The following ARHGAP8 variants were observed in gnomAD, a reference collection of about 807,000 sequenced individuals.
ARHGAP8 encodes the protein rho GTPase-activating protein 8.
A neutral mutation model predicts 46.1 loss-of-function variants in ARHGAP8; 62 were observed. The observed-to-expected ratio is 1.34, with a 90% CI of 1.10 to 1.66. The LOEUF is 1.66. ARHGAP8 is among the 40% of genes most tolerant of loss of function. ARHGAP8 has a pLI of 0.00. For missense variants in ARHGAP8, 923 were observed against 568.4 expected, an observed-to-expected ratio of 1.62 and a Z score of -6.34; for synonymous variants, 375 against 243.1, an observed-to-expected ratio of 1.54 and a Z score of -5.05.
intron 1 of ARHGAP8, among the ~76,000 whole-genome samples, chr22:44,782,677 C>A (rs946669451): frequency 2.6e-5 from 4 of 152,240 alleles, no homozygotes; most frequent in Non-Finnish European, 5.9e-5. Flanking sequence ...AGAACTTCAT[C>A]CTGTTACGGC....
intron 4 of ARHGAP8, chr22:44,809,609 C>CGA: frequency 2.3e-5 from 4 of 176,264 alleles, no homozygotes; most frequent in Non-Finnish European, 3.6e-5. Context: ...CCACCCCAGG[C>CGA]CCCCGCCTCC....
chr22:44,852,947 C>T (rs1348536624), intron 10 of ARHGAP8, among the ~76,000 whole-genome samples: 2 of 152,152 alleles, frequency 1.3e-5, no homozygotes, highest in Non-Finnish European at 2.9e-5. Flanking sequence ...GGACGACAGG[C>T]CCGTGTCACC....
At chr22:44,779,170 G>T (rs901706977) in intron 1 of ARHGAP8, among the ~76,000 whole-genome samples, 1 of 149,220 alleles carries the variant, frequency 6.7e-6, no homozygotes, top group Admixed American at 6.8e-5. Context: ...CGCGATCTTG[G>T]CTCACTGCAA....
chr22:44,803,713 A>G (rs930765585), intron 3 of ARHGAP8, among the ~76,000 whole-genome samples: 1 of 30,310 alleles, frequency 3.3e-5, no homozygotes, highest in East Asian at 1.5e-3. Context: ...ACACCCCCCC[A>G]TGCATGCACC....
intron 10 of ARHGAP8, among the ~76,000 whole-genome samples, chr22:44,856,528 C>G (rs1306287496): frequency 2.0e-5 from 3 of 152,046 alleles, no homozygotes; most frequent in Admixed American, 6.6e-5. Flanking sequence ...TCCGTCTCGG[C>G]CTTCCAAAGT....
intron 5 of ARHGAP8, 146 bp downstream of exon 5, chr22:44,814,904 C>A (rs1929625398): frequency 1.1e-6 from 1 of 913,632 alleles, no homozygotes; most frequent in Non-Finnish European, 1.6e-6. Flanking sequence ...GCCCTGGGGT[C>A]TGCGGGGGGT....
chr22:44,860,544 G>A (rs375474812), intron 11 of ARHGAP8, among the ~76,000 whole-genome samples: 4 of 37,018 alleles, frequency 1.1e-4, no homozygotes, highest in South Asian at 7.2e-4. Context: ...CTCATCTTGA[G>A]ATCCTCAACG....
rs778831955 is a variant in ARHGAP8, at chr22:44,839,378, T to C, written c.597-5891T>C. Among the ~76,000 whole-genome samples, 16 of 151,164 alleles carry C rather than the reference T, an allele frequency of 1.1e-4. No individual in the cohort carries two copies. In the East Asian group the frequency reaches 2.3e-3, roughly 22 times the overall value. ...CATGAAACCAAACCACCCATCGAGA[T>C]TGGATATGCAGAAGCCTTATGGCTG... is the stretch of plus-strand genomic sequence containing the variant. On this transcript the variant is annotated intron_variant, in intron 7 of 11. Coordinates refer to ENST00000356099, the MANE Select transcript of ARHGAP8 (RefSeq NM_181335.3).
rs1555907814 is a variant in ARHGAP8 at position 44,754,373 on chromosome 22, T to TGTGTGTGTGA, written c.-72+1747_-72+1748insTGTGTGTGAG. 9.9e-3 allele frequency among the ~76,000 whole-genome samples: 1,454 copies of TGTGTGTGTGA among 147,542 alleles called. 28 individuals are homozygous for TGTGTGTGTGA. The highest frequency in any genetic ancestry group is 0.062 in the East Asian group (302 of 4,904). ...GTGTGTGTGTGTGTGTGTGTGTGTG[T>TGTGTGTGTGA]GACGCAGTTTTCGCTCTTGTCGCCC... On this transcript the variant is annotated intron_variant, in intron 1 of 11. Transcript: ENST00000356099.
At position 44,862,678 on chromosome 22, in the gene ARHGAP8, AAAT is replaced by A. The variant is rs1240722021; in HGVS notation, c.*86_*88del. The A allele has an allele frequency of 6.9e-7, 1 of 1,452,374 alleles. No homozygotes were observed. Among genetic ancestry groups the A allele is most frequent in the Non-Finnish European group, 9.1e-7 (1 of 1,095,910 alleles). 90.0% of individuals were successfully genotyped at this position (1,452,374 alleles called of 1,614,324 possible). On this transcript the variant is annotated 3_prime_UTR_variant, in exon 12 of 12. Coordinates refer to ENST00000356099, the MANE Select transcript of ARHGAP8 (RefSeq NM_181335.3). Reference sequence around the variant, plus strand: ...TGTTTTGTAAACTTGGCATCTGTAAAAATAACCAGCCATTAGATGAATTCAGAA... The same window carrying A: ...TGTTTTGTAAACTTGGCATCTGTAAAAACCAGCCATTAGATGAATTCAGAA...
At position 44,822,480 on chromosome 22, in the gene ARHGAP8, G is replaced by A. The variant is rs759893439; in HGVS notation, c.485+11G>A. ...TCCCGAAGTTTTGCGGTAAGTGCCT[G>A]TTAGACCCCAGAAGCCGCATCAATA... On this transcript the variant is annotated intron_variant, in intron 6 of 11. Transcript: ENST00000356099. 2.6e-6 allele frequency: 4 copies of A among 1,534,440 alleles called. No homozygotes were observed. Among genetic ancestry groups the A allele is most frequent in the Non-Finnish European group, 2.6e-6 (3 of 1,150,016 alleles).
chr22:44,861,841 C>G (rs1381538270), intron 11 of ARHGAP8, among the ~76,000 whole-genome samples: 1 of 152,174 alleles, frequency 6.6e-6, no homozygotes, highest in African/African-American at 2.4e-5. Context: ...CAGGCAAGCT[C>G]TTTCCACTCT....
intron 7 of ARHGAP8, among the ~76,000 whole-genome samples, chr22:44,837,468 G>A (rs1048812220): frequency 6.6e-6 from 1 of 152,204 alleles, no homozygotes; most frequent in African/African-American, 2.4e-5. Flanking sequence ...TTAGTTCATG[G>A]TGTGGGTTTA....
intron 1 of ARHGAP8, among the ~76,000 whole-genome samples, chr22:44,755,965 G>T (rs1924638507): frequency 6.6e-6 from 1 of 152,154 alleles, no homozygotes; most frequent in Admixed American, 6.5e-5. Context: ...AGAACTAAAT[G>T]AGTTAATGCA....
intron 1 of ARHGAP8, among the ~76,000 whole-genome samples, chr22:44,767,336 C>T (rs1925650760): frequency 6.6e-6 from 1 of 152,100 alleles, no homozygotes; most frequent in Non-Finnish European, 1.5e-5. Flanking sequence ...CTCTTTCTCC[C>T]CCTCTCTCTC....
At chr22:44,830,545 T>C (rs1930873741) in intron 7 of ARHGAP8, among the ~76,000 whole-genome samples, 1 of 151,838 alleles carries the variant, frequency 6.6e-6, no homozygotes, top group Admixed American at 6.6e-5. Context: ...TTATTTTAGT[T>C]TTGTTTTCTG....
intron 7 of ARHGAP8, among the ~76,000 whole-genome samples, chr22:44,841,209 A>G (rs1569174136): frequency 6.8e-6 from 1 of 147,924 alleles, no homozygotes; most frequent in Non-Finnish European, 1.5e-5. Flanking sequence ...CGTCATGGCC[A>G]AGAATCTGAG....
rs575017721 is a variant in ARHGAP8, at chr22:44,791,460, T to G, written c.79+4854T>G. 1.4e-4 allele frequency among the ~76,000 whole-genome samples: 21 copies of G among 152,212 alleles called. No individual in the cohort carries two copies. In the East Asian group the frequency reaches 4.1e-3, roughly 29 times the overall value. ...GGCTCGTGCCTGTAATCCCAGCACT[T>G]TGGGGGGATGAGTCAGGTGGATCAC... On this transcript the variant is annotated intron_variant, in intron 2 of 11. Coordinates refer to ENST00000356099, the MANE Select transcript of ARHGAP8 (RefSeq NM_181335.3).
At position 44,792,877 on chromosome 22, in the gene ARHGAP8, G is replaced by A. The variant is rs545613082; in HGVS notation, c.79+6271G>A. Among the ~76,000 whole-genome samples the A allele has an allele frequency of 2.3e-4, 35 of 151,468 alleles. No homozygotes were observed. The East Asian group carries it at 4.3e-3, about 19-fold the overall frequency. On this transcript the variant is annotated intron_variant, in intron 2 of 11. Transcript: ENST00000356099. ...CTTACTCTGTTGCTCAGGCTGGAGT[G>A]CAGTGGCGCAATCTCGGCTCACTGC...
Sources: gnomAD v4.1 joint callset for allele counts (sites outside exome capture counted in the v4.1 genomes callset) on GRCh38, gnomAD v4.1.1 for gene constraint, MANE v1.5 for transcripts, NCBI Gene and HGNC (gene_info 2026-07-23, HGNC 2026-07-21) for gene names.